DCLRE1C: variants seen among roughly 807,000 people sequenced by gnomAD.
DCLRE1C encodes DNA cross-link repair 1C.
A neutral mutation model predicts 61.4 loss-of-function variants in DCLRE1C; 47 were observed. The observed-to-expected ratio is 0.77, with a 90% CI of 0.61 to 0.98. DCLRE1C has a LOEUF of 0.98. DCLRE1C is among the 50% of genes least tolerant of loss of function. The pLI, the probability that DCLRE1C is intolerant of heterozygous loss-of-function variation, is 0.00. For synonymous variants in DCLRE1C, 337 were observed against 287.6 expected, an observed-to-expected ratio of 1.17 and a Z score of -1.74; for missense variants, 858 against 816.0, an observed-to-expected ratio of 1.05 and a Z score of -0.63.
At chr10:14,926,996 A>T in intron 10 of DCLRE1C, 99 bp from the exon 11 acceptor site, 2 of 941,144 alleles carry the variant, frequency 2.1e-6, no homozygotes, top group Non-Finnish European at 3.4e-6. Context: ...GCATGAAACC[A>T]CTCTAATGGG....
At chr10:14,951,500 A>T (rs1028707919) in intron 1 of DCLRE1C, among the ~76,000 whole-genome samples, 1 of 151,360 alleles carries the variant, frequency 6.6e-6, no homozygotes, top group Non-Finnish European at 1.5e-5. Flanking sequence ...AGCTGCTATC[A>T]CAAGATACCA....
At chr10:14,934,567 T>C (rs1839585389) in intron 7 of DCLRE1C, 47 bp from the exon 8 acceptor site, 2 of 1,613,918 alleles carry the variant, frequency 1.2e-6, no homozygotes, top group Non-Finnish European at 1.7e-6. Context: ...GAGCCGCACA[T>C]AGCCTTTTCC....
At chr10:14,899,879 C>T (rs989023347), downstream of DCLRE1C, among the ~76,000 whole-genome samples, 2 of 152,124 alleles carry the variant, frequency 1.3e-5, no homozygotes. Context: ...GAGGTGCCTA[C>T]CAAATATTAA....
Position 14,913,201 on chromosome 10 carries a change from G to A in DCLRE1C, c.1157-3871C>T, listed in dbSNP as rs553635989. Among the ~76,000 whole-genome samples, 9 of 152,378 alleles carry A rather than the reference G, an allele frequency of 5.9e-5. No homozygotes were observed. The South Asian group carries it at 1.9e-3, about 32-fold the overall frequency. On this transcript the variant is annotated intron_variant, in intron 13 of 13. Coordinates refer to ENST00000378278, the MANE Select transcript of DCLRE1C (RefSeq NM_001033855.3). ...AGTGTCCAGAAAACACAAATCTATAGAGACAAACCATAGATTAGTTGCGGC... is the reference window on the plus strand; with the variant it reads ...AGTGTCCAGAAAACACAAATCTATAAAGACAAACCATAGATTAGTTGCGGC...
chr10:14,901,295 A>G, downstream of DCLRE1C: 1 of 1,612,210 alleles, frequency 6.2e-7, no homozygotes, highest in Non-Finnish European at 8.5e-7. Context: ...CATTGGTGTC[A>G]GTTTCAATAT....
At chr10:14,929,727 G>GA (rs939035849) in intron 9 of DCLRE1C, among the ~76,000 whole-genome samples, 6 of 151,820 alleles carry the variant, frequency 4.0e-5, no homozygotes, top group Non-Finnish European at 5.9e-5. Flanking sequence ...TCAAAAGGTT[G>GA]AAAAAAAATG....
chr10:14,910,948 C>G (rs1227663634), intron 13 of DCLRE1C, among the ~76,000 whole-genome samples: 5 of 152,168 alleles, frequency 3.3e-5, no homozygotes. Context: ...GAGGGAACAT[C>G]TGGATAGAGC....
chr10:14,949,879 T>A (rs1589162105), intron 1 of DCLRE1C, among the ~76,000 whole-genome samples: 1 of 150,490 alleles, frequency 6.6e-6, no homozygotes, highest in African/African-American at 2.5e-5. Flanking sequence ...ACCCCATCTC[T>A]ACTAAAAATA....
Position 14,943,025 on chromosome 10 carries a change from C to G in DCLRE1C, c.246+2080G>C, listed in dbSNP as rs577514764. On this transcript the variant is annotated intron_variant, in intron 3 of 13. Transcript: ENST00000378278. ...CCTGTAATCCCAGCCACTAGGGAGG[C>G]GGAGGCAGGGAGAATTGCTTGAACC... Among the ~76,000 whole-genome samples the G allele has an allele frequency of 7.2e-4, 110 of 152,176 alleles. 1 individual carries two copies. In the South Asian group the frequency reaches 7.5e-3, roughly 10 times the overall value.
At chr10:14,903,551 ATAAATTTTTTTTAGATGTGATAAAGC>A (rs1190342284), downstream of DCLRE1C, 1 of 152,214 alleles carries the variant, frequency 6.6e-6, no homozygotes, top group African/African-American at 2.4e-5. Flanking sequence ...TGTTTTATAC[ATAAATTTTTTTTAGATGTGATAAAGC>A]TAAACTTGGC....
intron 6 of DCLRE1C, 57 bp downstream of exon 6, chr10:14,935,406 G>C (rs1285075952): frequency 1.8e-5 from 29 of 1,568,730 alleles, no homozygotes; most frequent in Non-Finnish European, 2.4e-5. Context: ...GACACAGCAA[G>C]ACTCCATTTC....
rs561713097 is a variant in DCLRE1C, at chr10:14,905,742, T to C, written c.*2666A>G. Among the ~76,000 whole-genome samples, 46 of 152,290 alleles carry C rather than the reference T, an allele frequency of 3.0e-4. 1 individual carries two copies. In the South Asian group the frequency reaches 8.7e-3, roughly 29 times the overall value. On this transcript the variant is annotated 3_prime_UTR_variant, in exon 14 of 14. Coordinates refer to ENST00000378278, the MANE Select transcript of DCLRE1C (RefSeq NM_001033855.3). ...GCTGACGCCTGTAATCCCAGCACTT[T>C]GGGAGGCCGAGGCGAGTGGATCACC...
chr10:14,928,519 C>A (rs747582125), intron 9 of DCLRE1C, among the ~76,000 whole-genome samples: 1 of 152,198 alleles, frequency 6.6e-6, no homozygotes, highest in African/African-American at 2.4e-5. Flanking sequence ...ATGGGAAGAA[C>A]TGGGGACATC....
chr10:14,908,807 TAAC>T lies in DCLRE1C; in HGVS notation c.1677_1679del (p.Leu560del). ...CCCCACTGTTTCTCTCTTGGGAAGA[TAAC>T]AAAACAGTATCAGATTGGCTGTCCC... is the stretch of plus-strand genomic sequence containing the variant. On this transcript the variant is annotated inframe_deletion, in exon 14 of 14. Coordinates refer to ENST00000378278, the MANE Select transcript of DCLRE1C (RefSeq NM_001033855.3). The T allele has an allele frequency of 4.3e-6, 7 of 1,614,224 alleles. No homozygotes were observed. Among genetic ancestry groups the T allele is most frequent in the Non-Finnish European group, 5.9e-6 (7 of 1,180,028 alleles).
At chr10:14,954,198 G>C, upstream of DCLRE1C, 2 of 913,270 alleles carry the variant, frequency 2.2e-6, no homozygotes, top group East Asian at 2.6e-5. Context: ...GGTTCTAGGC[G>C]CCCGCTGCTT....
chr10:14,907,556 G>A lies in DCLRE1C; in HGVS notation c.*852C>T, dbSNP rs1053901910. Among the ~76,000 whole-genome samples, 1 of 152,006 alleles carries A rather than the reference G, an allele frequency of 6.6e-6. No homozygotes were observed. Among genetic ancestry groups the A allele is most frequent in the African/African-American group, 2.4e-5 (1 of 41,400 alleles). On this transcript the variant is annotated 3_prime_UTR_variant, in exon 14 of 14. Coordinates refer to ENST00000378278, the MANE Select transcript of DCLRE1C (RefSeq NM_001033855.3). The stretch of plus-strand genomic sequence containing the variant: ...TGCATTAGTTTGTCTCTTTTCAGCT[G>A]TTCTAGCTTCATAAATTTTTGGAGC...
At position 14,927,009 on chromosome 10, in the gene DCLRE1C, C is replaced by A. The variant is rs1026355440; in HGVS notation, c.918-112G>T. On this transcript the variant is annotated intron_variant, in intron 10 of 13. Coordinates refer to ENST00000378278, the MANE Select transcript of DCLRE1C (RefSeq NM_001033855.3). ...TAGCATGAAACCACTCTAATGGGCT[C>A]GCTTCAGCAGCAAGTGTCGAAATCA... 6.0e-6 allele frequency: 5 copies of A among 830,648 alleles called. No homozygotes were observed. The Admixed American group carries it at 1.0e-4, about 17-fold the overall frequency. 51.5% of individuals were successfully genotyped at this position (830,648 alleles called of 1,614,324 possible).
At chr10:14,940,087 G>A (rs1451676712) in intron 3 of DCLRE1C, among the ~76,000 whole-genome samples, 1 of 152,118 alleles carries the variant, frequency 6.6e-6, no homozygotes, top group Non-Finnish European at 1.5e-5. Context: ...TAAACGCCTT[G>A]TAAATGCATA....
At chr10:14,917,934 G>A (rs1031193937) in intron 13 of DCLRE1C, among the ~76,000 whole-genome samples, 2 of 152,194 alleles carry the variant, frequency 1.3e-5, no homozygotes, top group African/African-American at 4.8e-5. Flanking sequence ...CTAGTCATTA[G>A]AGAAATGCAA....
Sources: allele counts gnomAD v4.1 joint callset (sites outside exome capture counted in the v4.1 genomes callset), GRCh38; gene constraint gnomAD v4.1.1; transcripts MANE v1.5; gene names NCBI Gene and HGNC (gene_info 2026-07-23, HGNC 2026-07-21).